Variants in SARNP observed in about 807,000 individuals in gnomAD.
The protein encoded by SARNP is SAP domain-containing ribonucleoprotein.
SARNP carries 5 observed loss-of-function variants against 38.1 expected under a neutral mutation model. The observed-to-expected ratio is 0.13, with a 90% CI of 0.07 to 0.28. The LOEUF is 0.28. Ranked by LOEUF, SARNP falls within the 10% of genes least tolerant of loss-of-function variation. The pLI is 1.00. For synonymous variants in SARNP, 84 were observed against 80.6 expected (o/e 1.04, Z -0.23); for missense variants, 180 against 243.9 (o/e 0.74, Z 1.75).
chr12:55,777,183 A>G (rs1435848708), intron 9 of SARNP, among the ~76,000 whole-genome samples: 1 of 152,140 alleles, frequency 6.6e-6, no homozygotes, highest in Non-Finnish European at 1.5e-5. Flanking sequence ...AATCAGAGAG[A>G]AATACATAAA....
chr12:55,799,184 G>C (rs1565680900), intron 4 of SARNP, among the ~76,000 whole-genome samples: 1 of 152,134 alleles, frequency 6.6e-6, no homozygotes, highest in Non-Finnish European at 1.5e-5. Flanking sequence ...TGGATACAAA[G>C]AGTACTTAAT....
intron 9 of SARNP, chr12:55,762,667 C>T (rs1878712332): frequency 6.6e-6 from 1 of 152,188 alleles, no homozygotes; most frequent in Non-Finnish European, 1.5e-5. Flanking sequence ...TATAGGCAGG[C>T]TGTGTCTCTG....
chr12:55,806,538 G>C (rs1268163077), intron 1 of SARNP, among the ~76,000 whole-genome samples: 4 of 151,492 alleles, frequency 2.6e-5, no homozygotes, highest in Non-Finnish European at 4.4e-5. Context: ...GTCTCCCAAA[G>C]TTCTGGGATT....
chr12:55,757,641 C>T, intron 10 of SARNP, 88 bp from the exon 11 acceptor site: 2 of 1,009,374 alleles, frequency 2.0e-6, no homozygotes, highest in South Asian at 1.5e-5. Flanking sequence ...CTCACATGAA[C>T]TGTCACAAGG....
intron 9 of SARNP, among the ~76,000 whole-genome samples, chr12:55,788,604 TTGGG>T (rs1274207931): frequency 6.6e-6 from 1 of 151,936 alleles, no homozygotes; most frequent in East Asian, 1.9e-4. Flanking sequence ...TGAGACCAGC[TTGGG>T]TAACATAGCA....
At position 55,795,920 on chromosome 12, in the gene SARNP, G is replaced by C. The variant is rs1592574986; in HGVS notation, c.303+105C>G. ...ATCAACACCAAAATCTGCCAATACT[G>C]ATTTTCTGCCTGTGAATAAATTTTA... On this transcript the variant is annotated intron_variant, in intron 5 of 10. Transcript: ENST00000336133. The C allele has an allele frequency of 7.3e-6, 6 of 823,476 alleles. No homozygotes were observed. In the East Asian group the frequency reaches 1.6e-4, roughly 21 times the overall value. The allele number at this position is 823,476 out of a possible 1,614,324, so 51.0% of individuals were successfully genotyped here.
chr12:55,776,627 G>A (rs1456950747), intron 9 of SARNP, among the ~76,000 whole-genome samples: 3 of 152,106 alleles, frequency 2.0e-5, no homozygotes, highest in Non-Finnish European at 4.4e-5. Flanking sequence ...ACAGAGGGCT[G>A]AGTATACTTG....
intron 1 of SARNP, among the ~76,000 whole-genome samples, chr12:55,805,559 A>T (rs867793810): frequency 6.6e-6 from 1 of 151,486 alleles, no homozygotes; most frequent in African/African-American, 2.4e-5. Context: ...TAAAACTACA[A>T]AACTAGACCA....
At chr12:55,760,510 T>C (rs1565669482) in intron 10 of SARNP, 41 bp downstream of exon 10, 1 of 1,069,812 alleles carries the variant, frequency 9.3e-7, no homozygotes, top group Admixed American at 1.7e-5. Context: ...TCACTCTAAT[T>C]TCCCTTCAAG....
chr12:55,760,646 C>A lies in SARNP; in HGVS notation c.502-6G>T, dbSNP rs146587323. 8,973 of 1,597,626 alleles carry A rather than the reference C, an allele frequency of 5.6e-3. 38 individuals are homozygous for A. Among genetic ancestry groups the A allele is most frequent in the Middle Eastern group, 0.019 (112 of 6,034 alleles). ...AGTTTCTCATCATCTTCAGACTGTT[C>A]AAGGACAAAGGAAAGAGTTGAAACA... On this transcript the variant is annotated splice_polypyrimidine_tract_variant and splice_region_variant and intron_variant, in intron 9 of 10. Coordinates refer to ENST00000336133, the MANE Select transcript of SARNP (RefSeq NM_033082.4).
chr12:55,808,655 G>A (rs1880229126), intron 1 of SARNP, among the ~76,000 whole-genome samples: 2 of 151,974 alleles, frequency 1.3e-5, no homozygotes, highest in Admixed American at 6.6e-5. Flanking sequence ...CAGCTACTAG[G>A]GAAGCTGAGG....
chr12:55,803,711 T>A lies in SARNP; in HGVS notation c.54A>T (p.Gln18His). ...TCTCCAAACCACGAGCAAGACATTC[T>A]TGCTTTAGTTCGGCAAGCTGAGGGG... ...LHKLKLAELKQECLARGLETK... is the reference protein window; with the variant it reads ...LHKLKLAELKHECLARGLETK... Residue 18 changes from glutamine to histidine, a missense_variant, in exon 2 of 11, where the codon CAA (glutamine) becomes CAT (histidine). Gln to His is a conservative substitution (Grantham distance 24). Coordinates refer to ENST00000336133, the MANE Select transcript of SARNP (RefSeq NM_033082.4). The A allele has an allele frequency of 6.2e-6, 10 of 1,613,308 alleles. No individual in the cohort carries two copies. The highest frequency in any genetic ancestry group is 8.5e-6 in the Non-Finnish European group (10 of 1,179,444).
At chr12:55,758,433 T>C (rs373277121) in intron 10 of SARNP, among the ~76,000 whole-genome samples, 124 of 151,942 alleles carry the variant, frequency 8.2e-4, no homozygotes, top group Middle Eastern at 3.4e-3. Flanking sequence ...GATCACGAGG[T>C]CAGGAGTTCA....
intron 9 of SARNP, among the ~76,000 whole-genome samples, chr12:55,778,256 C>T (rs576950282): frequency 2.6e-5 from 4 of 152,262 alleles, no homozygotes; most frequent in African/African-American, 9.6e-5. Flanking sequence ...AAGCAATTCT[C>T]GTGATTCAGC....
At chr12:55,783,510 C>T (rs1422829620) in intron 9 of SARNP, among the ~76,000 whole-genome samples, 1 of 149,100 alleles carries the variant, frequency 6.7e-6, no homozygotes, top group Admixed American at 6.8e-5. Flanking sequence ...TTCACTGAGA[C>T]TTAAGCTGGA....
rs1421132945 is a variant in SARNP, at chr12:55,815,706, C to T, written c.36+1960G>A. Among the ~76,000 whole-genome samples the T allele has an allele frequency of 2.6e-5, 4 of 152,250 alleles. No homozygotes were observed. In the East Asian group the frequency reaches 7.7e-4, roughly 29 times the overall value. On this transcript the variant is annotated intron_variant, in intron 1 of 10. Coordinates refer to ENST00000336133, the MANE Select transcript of SARNP (RefSeq NM_033082.4). The stretch of plus-strand genomic sequence containing the variant: ...CTCGAACTCCTGGCCTCAAGCAATC[C>T]GCCCGCCTAGGCCTCCCAAAGTGCT...
At chr12:55,771,652 C>G (rs1879011401) in intron 9 of SARNP, among the ~76,000 whole-genome samples, 1 of 152,140 alleles carries the variant, frequency 6.6e-6, no homozygotes, top group Non-Finnish European at 1.5e-5. Flanking sequence ...GGAAGAGAGG[C>G]TGACAGAGAG....
chr12:55,772,482 CACT>C (rs1180887134), intron 9 of SARNP, among the ~76,000 whole-genome samples: 1 of 152,096 alleles, frequency 6.6e-6, no homozygotes, highest in Non-Finnish European at 1.5e-5. Context: ...CCCCAACCCC[CACT>C]CCTCTTCAAC....
rs1879708507 is a variant in SARNP, at chr12:55,792,652, G to A, written c.406+1707C>T. The A allele has an allele frequency of 1.3e-5, 2 of 148,920 alleles. 1 individual carries two copies. The highest frequency in any genetic ancestry group is 2.9e-5 in the Non-Finnish European group (2 of 67,802). 9.2% of individuals were successfully genotyped at this position (148,920 alleles called of 1,614,324 possible). On this transcript the variant is annotated intron_variant, in intron 7 of 10. Coordinates refer to ENST00000336133, the MANE Select transcript of SARNP (RefSeq NM_033082.4). ...ACCTGCCTTGGCCTCCCAAAGTGCT[G>A]GGACTACAGGTGTGAACCACCGTGC...
Sources: gnomAD v4.1 joint callset for allele counts (sites outside exome capture counted in the v4.1 genomes callset) on GRCh38, gnomAD v4.1.1 for gene constraint, MANE v1.5 for transcripts, NCBI Gene and HGNC (gene_info 2026-07-23, HGNC 2026-07-21) for gene names.